GALNT5: variants seen among roughly 807,000 people sequenced by gnomAD.
The protein encoded by GALNT5 is polypeptide N-acetylgalactosaminyltransferase 5.
In GALNT5, 72 loss-of-function variants were observed where a neutral mutation model predicts 85.4. The observed-to-expected ratio is 0.84, with a 90% CI of 0.70 to 1.03. GALNT5 has a LOEUF of 1.03. Ranked by LOEUF, GALNT5 falls within the 50% of genes least tolerant of loss-of-function variation. GALNT5 has a pLI of 0.00. For synonymous variants in GALNT5, 404 were observed against 397.0 expected, an observed-to-expected ratio of 1.02 and a Z score of -0.21; for missense variants, 1,137 against 1,135.5, an observed-to-expected ratio of 1.00 and a Z score of -0.02.
rs1272478864 is a variant in GALNT5, at chr2:157,288,641, A to G, written c.1741+2507A>G. Reference sequence around the variant, plus strand: ...AGCAAATTTTTCTAAAGTTTTGTGCATCACTTAAAGATTGTAGGCATTATT... The same window carrying G: ...AGCAAATTTTTCTAAAGTTTTGTGCGTCACTTAAAGATTGTAGGCATTATT... On this transcript the variant is annotated intron_variant, in intron 3 of 9. Coordinates refer to ENST00000259056, the MANE Select transcript of GALNT5 (RefSeq NM_014568.3). Among the ~76,000 whole-genome samples the G allele has an allele frequency of 5.9e-5, 9 of 152,346 alleles. 1 individual carries two copies. In the East Asian group the frequency reaches 9.6e-4, roughly 16 times the overall value.
At chr2:157,291,153 T>C (rs901557040) in intron 3 of GALNT5, among the ~76,000 whole-genome samples, 3 of 152,132 alleles carry the variant, frequency 2.0e-5, no homozygotes, top group Admixed American at 6.5e-5. Context: ...CCCTTCCTAG[T>C]ATGGAACAGA....
At chr2:157,260,594 G>A (rs1294995085) in intron 1 of GALNT5, among the ~76,000 whole-genome samples, 7 of 152,236 alleles carry the variant, frequency 4.6e-5, no homozygotes, top group Non-Finnish European at 7.3e-5. Flanking sequence ...TTGGATTGGG[G>A]AATGTCAAGA....
intron 1 of GALNT5, among the ~76,000 whole-genome samples, chr2:157,261,299 C>T (rs1348207763): frequency 2.8e-4 from 43 of 152,194 alleles, no homozygotes; most frequent in Admixed American, 2.4e-3. Context: ...GGTGGGGGTG[C>T]TCAAAGCAAG....
intron 1 of GALNT5, among the ~76,000 whole-genome samples, chr2:157,267,634 A>G (rs1038443879): frequency 6.6e-6 from 1 of 152,146 alleles, no homozygotes; most frequent in African/African-American, 2.4e-5. Context: ...TGCCGTCCCA[A>G]TTTCACTGTG....
Position 157,258,339 on chromosome 2 carries a change from G to A in GALNT5, c.257G>A (p.Trp86Ter). Reference sequence around the variant, plus strand: ...CTAAGGGGACATGGGAAAGGGGCATGGGGCAAAGAGAATGTTAGAAAAACT... The same window carrying A: ...CTAAGGGGACATGGGAAAGGGGCATAGGGCAAAGAGAATGTTAGAAAAACT... The part of the protein sequence containing the change: ...PPLRGHGKGA[W>*]GKENVRKTEE... Residue 86 changes from tryptophan (W) to a stop codon, truncating the protein, a stop_gained, in exon 1 of 10, where the codon TGG (tryptophan) becomes TAG (stop). Transcript: ENST00000259056. LOFTEE classifies it high-confidence loss of function. 6.2e-7 allele frequency: 1 copy of A among 1,603,028 alleles called. No individual in the cohort carries two copies. Among genetic ancestry groups the A allele is most frequent in the Non-Finnish European group, 8.5e-7 (1 of 1,175,832 alleles).
At chr2:157,308,830 T>A in intron 9 of GALNT5, 102 bp downstream of exon 9, 1 of 884,964 alleles carries the variant, frequency 1.1e-6, no homozygotes, top group South Asian at 1.8e-5. Context: ...AAGTTTTGTG[T>A]GTTTGTGACC....
chr2:157,262,246 C>A, intron 1 of GALNT5, among the ~76,000 whole-genome samples: 1 of 146,652 alleles, frequency 6.8e-6, no homozygotes, highest in African/African-American at 2.5e-5. Flanking sequence ...TTGGTATAAT[C>A]ATTTAAATTC....
Position 157,311,436 on chromosome 2 carries a change from T to A in GALNT5, c.*88T>A. 1.2e-6 allele frequency: 1 copy of A among 865,138 alleles called. No homozygotes were observed. Among genetic ancestry groups the A allele is most frequent in the Non-Finnish European group, 1.7e-6 (1 of 577,374 alleles). The allele number at this position is 865,138 out of a possible 1,614,324, so 53.6% of individuals were successfully genotyped here. On this transcript the variant is annotated 3_prime_UTR_variant, in exon 10 of 10. Transcript: ENST00000259056. Reference sequence around the variant, plus strand: ...GAAACTATATTTCTCAGCGGTAGTTTAAATTTTCAATTTTAATAACATTTG... The same window carrying A: ...GAAACTATATTTCTCAGCGGTAGTTAAAATTTTCAATTTTAATAACATTTG...
At chr2:157,297,718 G>T (rs78787722) in intron 5 of GALNT5, among the ~76,000 whole-genome samples, 1,605 of 152,274 alleles carry the variant, frequency 0.011, 19 homozygotes, top group African/African-American at 0.037. Flanking sequence ...TGTGGGACAG[G>T]AATTATCTCC....
chr2:157,285,013 A>T (rs1216169309), intron 2 of GALNT5, among the ~76,000 whole-genome samples: 8 of 152,256 alleles, frequency 5.3e-5, no homozygotes, highest in Admixed American at 5.2e-4. Flanking sequence ...ACAGTGAAGA[A>T]TCTCACTCTT....
In GALNT5 at chr2:157,258,319, G is replaced by T; in HGVS notation, c.237G>T (p.Arg79Ser). ...TAAAAGAGATGAAACCTCCCCTAAG[G>T]GGACATGGGAAAGGGGCATGGGGCA... ...SSIKEMKPPL[R>S]GHGKGAWGKE... The change falls in exon 1 of 10, where the codon AGG (arginine) becomes AGT (serine). Residue 79 changes from arginine (R) to serine (S), a missense_variant. Arg to Ser is a moderately radical substitution (Grantham distance 110). Transcript: ENST00000259056. 2 of 1,597,758 alleles carry T rather than the reference G, an allele frequency of 1.3e-6. No individual in the cohort carries two copies. Among genetic ancestry groups the T allele is most frequent in the South Asian group, 1.1e-5 (1 of 87,994 alleles).
rs1682275196 is a variant in GALNT5, at chr2:157,259,142, A to C, written c.1060A>C (p.Ser354Arg). ...AATATTTCCTAAAGTATTGGGTAAA[A>C]GCCAAAGTAAACACATTTCCAGGAA... ...KTIFPKVLGK[S>R]QSKHISRNRS... The change falls in exon 1 of 10, where the codon AGC becomes CGC. Residue 354 changes from serine to arginine, a missense_variant. Coordinates refer to ENST00000259056, the MANE Select transcript of GALNT5 (RefSeq NM_014568.3). The C allele has an allele frequency of 6.7e-7, 1 of 1,492,264 alleles. No homozygotes were observed. The highest frequency in any genetic ancestry group is 1.4e-5 in the African/African-American group (1 of 71,402). 92.4% of individuals were successfully genotyped at this position (1,492,264 alleles called of 1,614,324 possible).
intron 1 of GALNT5, among the ~76,000 whole-genome samples, chr2:157,261,806 T>A (rs1198117194): frequency 6.6e-6 from 1 of 152,184 alleles, no homozygotes; most frequent in African/African-American, 2.4e-5. Context: ...TTGGCAAGAT[T>A]TGGAGTGTTT....
intron 1 of GALNT5, among the ~76,000 whole-genome samples, chr2:157,262,139 T>A (rs1682355025): frequency 6.6e-6 from 1 of 151,364 alleles, no homozygotes; most frequent in Non-Finnish European, 1.5e-5. Context: ...AAATCCACTG[T>A]TATAGATGAA....
At position 157,315,387 on chromosome 2, in the gene GALNT5, A is replaced by G. The variant is rs1683677499; in HGVS notation, c.*4039A>G. Reference sequence around the variant, plus strand: ...CCAGTTTCCATTTTATCTGGCTCAAAAAAAATTTCTCTCACTATACCATGC... The same window carrying G: ...CCAGTTTCCATTTTATCTGGCTCAAGAAAAATTTCTCTCACTATACCATGC... On this transcript the variant is annotated 3_prime_UTR_variant, in exon 10 of 10. Transcript: ENST00000259056. 6.6e-6 allele frequency among the ~76,000 whole-genome samples: 1 copy of G among 152,202 alleles called. No individual in the cohort carries two copies. The highest frequency in any genetic ancestry group is 1.5e-5 in the Non-Finnish European group (1 of 68,030).
intron 6 of GALNT5, 114 bp downstream of exon 6, chr2:157,299,779 A>G (rs985503435): frequency 7.6e-6 from 4 of 526,986 alleles, no homozygotes; most frequent in Admixed American, 3.4e-5. Context: ...GAAATTTCAC[A>G]GAAATTTTAG....
intron 1 of GALNT5, among the ~76,000 whole-genome samples, chr2:157,265,652 G>A (rs1682441358): frequency 2.6e-5 from 4 of 152,152 alleles, no homozygotes; most frequent in African/African-American, 9.7e-5. Flanking sequence ...TATTGCCCTG[G>A]TACTCTTGGC....
chr2:157,295,751 G>C lies in GALNT5; in HGVS notation c.1830G>C (p.Lys610Asn), dbSNP rs369420643. 8 of 1,609,598 alleles carry C rather than the reference G, an allele frequency of 5.0e-6. No individual in the cohort carries two copies. In the East Asian group the frequency reaches 8.9e-5, roughly 18 times the overall value. The change falls in exon 4 of 10, where the codon AAG becomes AAC. Residue 610 changes from lysine to asparagine, a missense_variant. Coordinates refer to ENST00000259056, the MANE Select transcript of GALNT5 (RefSeq NM_014568.3). ...PLLERVYLSRKKVACPVIEVI... is the reference protein window; with the variant it reads ...PLLERVYLSRNKVACPVIEVI... ...TGGAAAGAGTTTATTTAAGTAGAAAGAAAGTGGCCTGTCCAGTAATCGAAG... is the reference window on the plus strand; with the variant it reads ...TGGAAAGAGTTTATTTAAGTAGAAACAAAGTGGCCTGTCCAGTAATCGAAG...
rs1485841604 is a variant in GALNT5, at chr2:157,258,315, T to C, written c.233T>C (p.Leu78Pro). Residue 78 changes from leucine to proline, a missense_variant, in exon 1 of 10, where the codon CTA becomes CCA. Leu to Pro is a moderately conservative substitution (Grantham distance 98). Transcript: ENST00000259056. ...AGCATAAAAGAGATGAAACCTCCCC[T>C]AAGGGGACATGGGAAAGGGGCATGG... ...YSSIKEMKPP[L>P]RGHGKGAWGK... is the part of the protein sequence containing the mutation. The C allele has an allele frequency of 3.8e-6, 6 of 1,597,364 alleles. No homozygotes were observed. The highest frequency in any genetic ancestry group is 1.4e-5 in the African/African-American group (1 of 73,726).
Sources: allele counts gnomAD v4.1 joint callset (sites outside exome capture counted in the v4.1 genomes callset), GRCh38; gene constraint gnomAD v4.1.1; transcripts MANE v1.5; gene names NCBI Gene and HGNC (gene_info 2026-07-23, HGNC 2026-07-21).